Variants in EPB41L3 observed in about 807,000 individuals in gnomAD.
The protein encoded by EPB41L3 is erythrocyte membrane protein band 4.1 like 3.
EPB41L3 carries 57 observed loss-of-function variants against 127.1 expected under a neutral mutation model. The ratio of observed to expected loss-of-function variants is 0.45; its 90% confidence interval spans 0.36 to 0.56. The LOEUF is 0.56. Among genes scored for constraint, EPB41L3 ranks in the 20% least tolerant of loss-of-function variants. EPB41L3 has a pLI of 0.00. For synonymous variants in EPB41L3, 572 were observed against 549.5 expected, an observed-to-expected ratio of 1.04 and a Z score of -0.57; for missense variants, 1,273 against 1,372.2, an observed-to-expected ratio of 0.93 and a Z score of 1.14.
intron 1 of EPB41L3, among the ~76,000 whole-genome samples, chr18:5,626,285 C>T (rs1009113480): frequency 2.0e-5 from 3 of 152,172 alleles, no homozygotes; most frequent in African/African-American, 7.2e-5. Context: ...AAATAAAAAC[C>T]TCACATACTA....
rs555002375 is a variant in EPB41L3, at chr18:5,568,427, T to TAAA, written c.-306+43910_-306+43912dup. On this transcript the variant is annotated intron_variant, in intron 3 of 21. Coordinates refer to the EPB41L3 transcript ENST00000545076. ...GGTTTCTACCAATTCCTCTGGATAG[T>TAAA]AAAAAAAAAAAAAAAAAAAAAGTAT... 3.9e-3 allele frequency among the ~76,000 whole-genome samples: 431 copies of TAAA among 109,274 alleles called. 3 individuals carry two copies. The highest frequency in any genetic ancestry group is 0.011 in the Middle Eastern group (2 of 186). 71.7% of individuals were successfully genotyped at this position (109,274 alleles called of 152,430 possible). A position where few individuals can be genotyped will look rare whatever the true frequency, so the allele number is the denominator to read the frequency against.
At chr18:5,437,964 T>C (rs200924113) in intron 6 of EPB41L3, 71 bp downstream of exon 6, 1 of 1,397,842 alleles carries the variant, frequency 7.2e-7, no homozygotes, top group Non-Finnish European at 9.9e-7. Context: ...AAGCACGCTC[T>C]TTCCGGAGCA....
chr18:5,397,246 C>T lies in EPB41L3; in HGVS notation c.2653G>A (p.Ala885Thr), dbSNP rs147247153. ...GDSGDAAAQP[A>T]FTGIKGKEGS... ...TCTTTCCCTTTAATGCCTGTGAATG[C>T]GGGCTGTGCTGCAGCATCCCCGCTG... is the stretch of plus-strand genomic sequence containing the variant. The change falls in exon 18 of 23, where the codon GCA becomes ACA. Residue 885 changes from alanine (A) to threonine (T), a missense_variant. Transcript: ENST00000341928. The surrounding 1 kb of genome is among the most constrained non-coding windows in gnomAD (Gnocchi z 4.1). 197 of 1,614,020 alleles carry T rather than the reference C, an allele frequency of 1.2e-4. 3 individuals are homozygous for T. The highest frequency in any genetic ancestry group is 8.3e-4 in the Admixed American group (50 of 59,998).
At chr18:5,394,840 A>G (rs756924326) in intron 21 of EPB41L3, 47 bp from the exon 22 acceptor site, 3 of 1,567,784 alleles carry the variant, frequency 1.9e-6, no homozygotes, top group East Asian at 4.5e-5. Context: ...AGGAGGTGGA[A>G]CATGCATGAT....
At chr18:5,495,151 T>TA (rs2091029720) in intron 1 of EPB41L3, among the ~76,000 whole-genome samples, 2 of 152,180 alleles carry the variant, frequency 1.3e-5, no homozygotes, top group South Asian at 4.1e-4. Context: ...TGATGGTTTG[T>TA]AAAAAACAAG....
At chr18:5,532,243 A>C (rs1301390198) in intron 1 of EPB41L3, among the ~76,000 whole-genome samples, 2 of 152,198 alleles carry the variant, frequency 1.3e-5, no homozygotes, top group Admixed American at 6.5e-5. Flanking sequence ...CTGGTATTTG[A>C]AATCTTGTTT....
rs373632284 is a variant in EPB41L3 at position 5,433,575 on chromosome 18, T to C, written c.825-19A>G. 1.2e-5 allele frequency: 19 copies of C among 1,596,954 alleles called. No individual in the cohort carries two copies. Among genetic ancestry groups the C allele is most frequent in the African/African-American group, 2.7e-5 (2 of 74,704 alleles). On this transcript the variant is annotated intron_variant, in intron 7 of 22. Coordinates refer to ENST00000341928, the MANE Select transcript of EPB41L3 (RefSeq NM_012307.5). ...CATTCCTCTGATGAGAAGAAAAATA[T>C]GTTACAATGATGCTTTTCCCTTCCC...
chr18:5,473,998 G>A (rs1052496758), intron 3 of EPB41L3, among the ~76,000 whole-genome samples: 6 of 152,104 alleles, frequency 3.9e-5, no homozygotes, highest in East Asian at 1.9e-4. Context: ...TTGGGAGGCC[G>A]AGACGGGTGG....
intron 3 of EPB41L3, among the ~76,000 whole-genome samples, chr18:5,608,424 G>A (rs891349369): frequency 3.9e-5 from 6 of 152,166 alleles, no homozygotes; most frequent in African/African-American, 1.4e-4. Flanking sequence ...AAAAGAGAGG[G>A]AGAGGCACAT....
chr18:5,473,210 T>C (rs1177548559), intron 3 of EPB41L3, among the ~76,000 whole-genome samples: 1 of 152,152 alleles, frequency 6.6e-6, no homozygotes, highest in Non-Finnish European at 1.5e-5. Flanking sequence ...TAGCCCAGCA[T>C]GGATGTACCT....
chr18:5,486,688 A>T (rs564860524), intron 2 of EPB41L3, among the ~76,000 whole-genome samples: 1 of 152,366 alleles, frequency 6.6e-6, no homozygotes, highest in African/African-American at 2.4e-5. Context: ...ATTTCTCAAA[A>T]GAAGACACAC....
chr18:5,565,193 T>A (rs1487570650), intron 3 of EPB41L3, among the ~76,000 whole-genome samples: 142 of 151,082 alleles, frequency 9.4e-4, no homozygotes, highest in Non-Finnish European at 2.4e-4. Context: ...GGCCAGGAGT[T>A]CGAGACCAGC....
chr18:5,427,755 T>C (rs561660744), intron 9 of EPB41L3, among the ~76,000 whole-genome samples: 30 of 152,306 alleles, frequency 2.0e-4, no homozygotes, highest in Non-Finnish European at 3.2e-4. Flanking sequence ...CTGGAATTTT[T>C]TTTTTTTTGA....
intron 16 of EPB41L3, chr18:5,399,912 TA>T (rs1188020135): frequency 6.6e-6 from 1 of 152,270 alleles, no homozygotes; most frequent in Non-Finnish European, 1.5e-5. Flanking sequence ...ATTCAATAAA[TA>T]TTGAGTGTGA....
intron 1 of EPB41L3, among the ~76,000 whole-genome samples, chr18:5,496,571 T>C (rs1044435975): frequency 1.3e-5 from 2 of 152,234 alleles, no homozygotes; most frequent in Non-Finnish European, 2.9e-5. Flanking sequence ...CTAGGATCTC[T>C]GCACTGTGAA....
intron 3 of EPB41L3, among the ~76,000 whole-genome samples, chr18:5,469,368 T>C (rs1049032482): frequency 6.6e-6 from 1 of 152,176 alleles, no homozygotes; most frequent in Non-Finnish European, 1.5e-5. Context: ...TTCCAGTGCA[T>C]CCGATCCAGC....
intron 1 of EPB41L3, among the ~76,000 whole-genome samples, chr18:5,503,610 A>G (rs1419676907): frequency 1.3e-5 from 2 of 152,216 alleles, no homozygotes; most frequent in Non-Finnish European, 2.9e-5. Flanking sequence ...AAGTTTGCCA[A>G]CCACTGGCCC....
At chr18:5,488,425 G>T (rs1032509923) in intron 2 of EPB41L3, among the ~76,000 whole-genome samples, 1 of 151,844 alleles carries the variant, frequency 6.6e-6, no homozygotes, top group Admixed American at 6.6e-5. Flanking sequence ...GGACTGGGGG[G>T]CTAGGGGAGG....
At chr18:5,608,078 G>T (rs1003526085) in intron 3 of EPB41L3, among the ~76,000 whole-genome samples, 9 of 152,086 alleles carry the variant, frequency 5.9e-5, no homozygotes, top group African/African-American at 2.2e-4. Flanking sequence ...CACAATATTA[G>T]ACAATGAAAA....
Sources: gnomAD v4.1 joint callset for allele counts (sites outside exome capture counted in the v4.1 genomes callset) on GRCh38, gnomAD v4.1.1 for gene constraint, Gnocchi (gnomAD v3.1) non-coding constraint, MANE v1.5 for transcripts, NCBI Gene and HGNC (gene_info 2026-07-23, HGNC 2026-07-21) for gene names.